The following MANBAL variants were observed in gnomAD, a reference collection of about 807,000 sequenced individuals.
MANBAL encodes the protein mannosidase beta like, also known as protein MANBAL.
Under a neutral mutation model 6.4 loss-of-function variants are expected in MANBAL, and 1 was observed. The observed-to-expected ratio is 0.16, with a 90% CI of 0.06 to 0.74. The LOEUF is 0.74. Among genes scored for constraint, MANBAL ranks in the 30% least tolerant of loss-of-function variants. The pLI is 0.78. For missense variants in MANBAL, 100 were observed against 107.8 expected, an observed-to-expected ratio of 0.93 and a Z score of 0.32; for synonymous variants, 47 against 45.8, an observed-to-expected ratio of 1.03 and a Z score of -0.10.
chr20:37,314,928 G>A (rs984214907), intron 2 of MANBAL, among the ~76,000 whole-genome samples: 1 of 152,210 alleles, frequency 6.6e-6, no homozygotes, highest in Non-Finnish European at 1.5e-5. Context: ...GGAGTAAAGT[G>A]AGCTGGAAGC....
chr20:37,316,203 T>A, intron 2 of MANBAL, 105 bp from the exon 3 acceptor site: 1 of 1,037,082 alleles, frequency 9.6e-7, no homozygotes, highest in Non-Finnish European at 1.4e-6. Context: ...AGTTTCCATC[T>A]CTTGTGTTTC....
chr20:37,298,055 T>C (rs2069039487), intron 1 of MANBAL, among the ~76,000 whole-genome samples: 2 of 152,144 alleles, frequency 1.3e-5, no homozygotes. Context: ...CAAAAAGGGA[T>C]GATGCCTGTA....
chr20:37,303,700 C>T (rs144232885), intron 2 of MANBAL, among the ~76,000 whole-genome samples: 1 of 152,294 alleles, frequency 6.6e-6, no homozygotes, highest in East Asian at 1.9e-4. Context: ...CAGGCGCAGG[C>T]GTCTGAGTGC....
At chr20:37,296,811 T>A (rs1353765637) in intron 1 of MANBAL, 1 of 152,224 alleles carries the variant, frequency 6.6e-6, no homozygotes, top group Admixed American at 6.5e-5. Context: ...GTATCATTGT[T>A]GCTTGGCTCA....
At chr20:37,303,655 AG>A (rs1398740054) in intron 2 of MANBAL, among the ~76,000 whole-genome samples, 1 of 152,220 alleles carries the variant, frequency 6.6e-6, no homozygotes, top group East Asian at 1.9e-4. Flanking sequence ...ATGGCGGCAC[AG>A]GGAAAAGGTA....
chr20:37,310,911 A>T (rs574229898), intron 2 of MANBAL, among the ~76,000 whole-genome samples: 5 of 152,194 alleles, frequency 3.3e-5, no homozygotes, highest in African/African-American at 9.7e-5. Flanking sequence ...GGCAGCGTAC[A>T]TTTGAGGAGA....
intron 2 of MANBAL, among the ~76,000 whole-genome samples, chr20:37,306,156 C>G (rs2069253372): frequency 6.6e-6 from 1 of 152,178 alleles, no homozygotes; most frequent in Non-Finnish European, 1.5e-5. Context: ...ACCCAGAGAA[C>G]AGTCTTGCCC....
chr20:37,309,457 A>C (rs1298754755), intron 2 of MANBAL, among the ~76,000 whole-genome samples: 2 of 152,162 alleles, frequency 1.3e-5, no homozygotes, highest in Admixed American at 1.3e-4. Context: ...TGGGATAGGG[A>C]AAGGGCAGGG....
intron 1 of MANBAL, among the ~76,000 whole-genome samples, chr20:37,295,084 G>C (rs1038368475): frequency 6.6e-6 from 1 of 152,192 alleles, no homozygotes; most frequent in African/African-American, 2.4e-5. Context: ...CAGGATAGCA[G>C]CTCTGCCCTG....
intron 1 of MANBAL, among the ~76,000 whole-genome samples, chr20:37,299,093 C>T (rs1312044560): frequency 1.6e-5 from 1 of 62,756 alleles, no homozygotes; most frequent in South Asian, 5.4e-4. Flanking sequence ...GGGGCAGGGT[C>T]GGGTGGGGGC....
chr20:37,290,796 A>T (rs1051476370), intron 1 of MANBAL, among the ~76,000 whole-genome samples: 1 of 151,944 alleles, frequency 6.6e-6, no homozygotes, highest in Admixed American at 6.6e-5. Context: ...TGAAATAGAG[A>T]TGGAGTCTCA....
chr20:37,316,483 A>G lies in MANBAL; in HGVS notation c.*68A>G, dbSNP rs551454296. 4.4e-6 allele frequency: 6 copies of G among 1,378,190 alleles called. No homozygotes were observed. In the Admixed American group the frequency reaches 6.1e-5, roughly 14 times the overall value. The allele number at this position is 1,378,190 out of a possible 1,614,324, so 85.4% of individuals were successfully genotyped here. A position where few individuals can be genotyped will look rare whatever the true frequency, so the allele number is the denominator to read the frequency against. On this transcript the variant is annotated 3_prime_UTR_variant, in exon 3 of 3. Transcript: ENST00000373606. ...GGGGACAGCCCTCCTGGGAATCTAC[A>G]TTGTGTTCCCCCGCATTCCAGGCTC...
intron 1 of MANBAL, among the ~76,000 whole-genome samples, chr20:37,299,229 C>T (rs2069076032): frequency 6.6e-6 from 1 of 151,902 alleles, no homozygotes; most frequent in African/African-American, 2.4e-5. Flanking sequence ...AGGAGTGAGC[C>T]ACCACTCCTG....
intron 1 of MANBAL, among the ~76,000 whole-genome samples, chr20:37,290,431 T>C (rs1282395549): frequency 6.7e-6 from 1 of 148,612 alleles, no homozygotes; most frequent in Non-Finnish European, 1.5e-5. Flanking sequence ...CGGTAACTTC[T>C]TTTTCTTTCC....
intron 2 of MANBAL, among the ~76,000 whole-genome samples, chr20:37,314,639 G>A (rs749265327): frequency 9.9e-5 from 15 of 152,248 alleles, no homozygotes; most frequent in Non-Finnish European, 2.1e-4. Flanking sequence ...TCAGCAGGCC[G>A]AAGGAATCCA....
At chr20:37,296,165 CCA>C (rs1462837081) in intron 1 of MANBAL, among the ~76,000 whole-genome samples, 1 of 152,176 alleles carries the variant, frequency 6.6e-6, no homozygotes, top group East Asian at 1.9e-4. Context: ...TTTTCAACAG[CCA>C]CATGTGGCTG....
intron 2 of MANBAL, among the ~76,000 whole-genome samples, chr20:37,314,863 G>A (rs1395247813): frequency 6.6e-6 from 1 of 152,244 alleles, no homozygotes; most frequent in Non-Finnish European, 1.5e-5. Flanking sequence ...CTCCTCTTCT[G>A]TAGGGTGGGC....
At chr20:37,298,741 AT>A (rs879700353) in intron 1 of MANBAL, 228 of 141,844 alleles carry the variant, frequency 1.6e-3, no homozygotes, top group South Asian at 1.8e-3. Flanking sequence ...TTTCAATTCA[AT>A]TTTTTTTTTT....
At chr20:37,300,714 A>G (rs1293170436) in intron 1 of MANBAL, among the ~76,000 whole-genome samples, 1 of 152,214 alleles carries the variant, frequency 6.6e-6, no homozygotes, top group Non-Finnish European at 1.5e-5. Flanking sequence ...TATGTTTGGA[A>G]AACATCAGAT....
Sources: allele counts gnomAD v4.1 joint callset (sites outside exome capture counted in the v4.1 genomes callset), GRCh38; gene constraint gnomAD v4.1.1; transcripts MANE v1.5; gene names NCBI Gene and HGNC (gene_info 2026-07-23, HGNC 2026-07-21).